AP3M1: variants seen among roughly 807,000 people sequenced by gnomAD.
The protein encoded by AP3M1 is adaptor related protein complex 3 subunit mu 1.
In AP3M1, 29 loss-of-function variants were observed where a neutral mutation model predicts 42.6. The observed-to-expected ratio is 0.68, with a 90% CI of 0.51 to 0.93. The LOEUF is 0.93. Among genes scored for constraint, AP3M1 ranks in the 40% least tolerant of loss-of-function variants. The pLI, the probability that AP3M1 is intolerant of heterozygous loss-of-function variation, is 0.00. For missense variants in AP3M1, 416 were observed against 510.2 expected (o/e 0.82, Z 1.78); for synonymous variants, 178 against 175.3 (o/e 1.02, Z -0.12).
intron 1 of AP3M1, among the ~76,000 whole-genome samples, chr10:74,149,278 T>G (rs898596933): frequency 5.1e-4 from 23 of 45,314 alleles, no homozygotes; most frequent in Admixed American, 1.2e-3. Flanking sequence ...TTTTTTTTTT[T>G]TTTTTTTTTT....
chr10:74,134,234 A>G, intron 3 of AP3M1, 70 bp from the exon 4 acceptor site: 1 of 1,503,468 alleles, frequency 6.7e-7, no homozygotes, highest in South Asian at 1.3e-5. Flanking sequence ...TTACTAGGAA[A>G]AAAAAAGCTG....
chr10:74,143,192 A>C (rs567043929), intron 1 of AP3M1, among the ~76,000 whole-genome samples: 1 of 152,258 alleles, frequency 6.6e-6, no homozygotes, highest in East Asian at 1.9e-4. Context: ...CTCTACTAAA[A>C]ATACAAAAAT....
At chr10:74,135,162 C>T (rs2131979686) in intron 3 of AP3M1, among the ~76,000 whole-genome samples, 1 of 152,282 alleles carries the variant, frequency 6.6e-6, no homozygotes, top group South Asian at 2.1e-4. Context: ...ATGATAAAAG[C>T]TAAATATTTA....
intron 1 of AP3M1, among the ~76,000 whole-genome samples, chr10:74,141,492 T>G (rs996461028): frequency 1.3e-5 from 2 of 151,354 alleles, no homozygotes; most frequent in African/African-American, 2.5e-5. Flanking sequence ...GAAAAGACAT[T>G]TACTCAAAGA....
At position 74,123,926 on chromosome 10, in the gene AP3M1, T is replaced by A; in HGVS notation, c.1157-16A>T. 1.9e-6 allele frequency: 3 copies of A among 1,595,926 alleles called. No individual in the cohort carries two copies. Among genetic ancestry groups the A allele is most frequent in the Admixed American group, 3.3e-5 (2 of 59,792 alleles). On this transcript the variant is annotated splice_polypyrimidine_tract_variant and intron_variant, in intron 8 of 8. Coordinates refer to ENST00000355264, the MANE Select transcript of AP3M1 (RefSeq NM_012095.6). ...ACTTTTAAGCCTGTATCAAAAAGAA[T>A]GAAAAAGAATAAATTATCATCATCC...
intron 5 of AP3M1, 37 bp downstream of exon 5, chr10:74,129,870 C>G (rs759539810): frequency 7.7e-7 from 1 of 1,299,302 alleles, no homozygotes; most frequent in African/African-American, 1.5e-5. Context: ...ATGTATTAGG[C>G]ATTCAAGGGG....
chr10:74,137,765 T>A (rs1245075089), intron 2 of AP3M1, among the ~76,000 whole-genome samples: 1 of 152,234 alleles, frequency 6.6e-6, no homozygotes, highest in East Asian at 1.9e-4. Context: ...TATGTAACTA[T>A]TTGTTATACT....
At chr10:74,149,633 A>G (rs919899313) in intron 1 of AP3M1, among the ~76,000 whole-genome samples, 5 of 152,106 alleles carry the variant, frequency 3.3e-5, no homozygotes, top group Admixed American at 3.3e-4. Context: ...CATTCACTTC[A>G]CTTCTCCTAT....
chr10:74,132,227 G>A (rs1371222134), intron 4 of AP3M1, among the ~76,000 whole-genome samples: 4 of 151,614 alleles, frequency 2.6e-5, no homozygotes, highest in Admixed American at 6.6e-5. Flanking sequence ...TAGTAGAGAC[G>A]GGGTTTTACC....
rs141996960 is a variant in AP3M1 at position 74,124,818 on chromosome 10, C to T, written c.1012-294G>A. Among the ~76,000 whole-genome samples, 73 of 152,190 alleles carry T rather than the reference C, an allele frequency of 4.8e-4. 1 individual carries two copies. The highest frequency in any genetic ancestry group is 9.0e-4 in the Non-Finnish European group (61 of 68,004). ...TGAAGTAGCTTTTGTCTTCTATTTACAAATGAGGAAATTAAAGCTCAGAGG... is the reference window on the plus strand; with the variant it reads ...TGAAGTAGCTTTTGTCTTCTATTTATAAATGAGGAAATTAAAGCTCAGAGG... On this transcript the variant is annotated intron_variant, in intron 7 of 8. Transcript: ENST00000355264.
Position 74,134,184 on chromosome 10 carries a change from A to G in AP3M1, c.446-20T>C, listed in dbSNP as rs746656372. The G allele has an allele frequency of 2.2e-5, 35 of 1,608,648 alleles. No homozygotes were observed. Among genetic ancestry groups the G allele is most frequent in the African/African-American group, 2.7e-5 (2 of 74,594 alleles). ...TACTGCCTAGAAACCAAAAAAGGAGAAGGCAAAGCTGATGTATAAAACAGT... is the reference window on the plus strand; with the variant it reads ...TACTGCCTAGAAACCAAAAAAGGAGGAGGCAAAGCTGATGTATAAAACAGT... On this transcript the variant is annotated intron_variant, in intron 3 of 8. Transcript: ENST00000355264.
chr10:74,126,825 G>C (rs1174319226), intron 6 of AP3M1, among the ~76,000 whole-genome samples: 2 of 151,730 alleles, frequency 1.3e-5, no homozygotes, highest in Non-Finnish European at 2.9e-5. Flanking sequence ...ACAAAAATTA[G>C]CTGGGTGTGG....
chr10:74,141,879 GTTT>G (rs58905652), intron 1 of AP3M1, among the ~76,000 whole-genome samples: 1 of 140,546 alleles, frequency 7.1e-6, no homozygotes, highest in Non-Finnish European at 1.5e-5. Context: ...CACCTGGCTA[GTTT>G]TTTTTTTTTT....
intron 1 of AP3M1, among the ~76,000 whole-genome samples, chr10:74,141,864 C>T (rs532265366): frequency 8.1e-5 from 12 of 148,282 alleles, no homozygotes; most frequent in East Asian, 3.9e-4. Flanking sequence ...AGGCACACAC[C>T]GCCACACCTG....
intron 6 of AP3M1, 114 bp from the exon 7 acceptor site, chr10:74,126,469 TC>T: frequency 1.3e-6 from 1 of 740,778 alleles, no homozygotes; most frequent in Non-Finnish European, 2.2e-6. Flanking sequence ...TGCCTTTAAC[TC>T]CACAATAAGG....
chr10:74,124,387 A>C lies in AP3M1; in HGVS notation c.1149T>G (p.Ala383=). ...AGTCAACCTTATCCTTACCTGAAAT[A>C]GCAAGCTGCTGGATCTTAAACTGTA... ...LNIQFKIQQL[A]ISGLKVNRLD... Residue 383 remains alanine (A), a synonymous_variant, in exon 8 of 9, where the codon GCT becomes GCG. Transcript: ENST00000355264. 1 of 1,606,390 alleles carries C rather than the reference A, an allele frequency of 6.2e-7. No individual in the cohort carries two copies. Among genetic ancestry groups the C allele is most frequent in the South Asian group, 1.1e-5 (1 of 88,854 alleles).
chr10:74,139,879 A>T (rs574337679), intron 1 of AP3M1, among the ~76,000 whole-genome samples: 95 of 141,376 alleles, frequency 6.7e-4, no homozygotes, highest in Admixed American at 1.9e-3. Flanking sequence ...GCACCACTGT[A>T]CTCCAGCCTG....
intron 1 of AP3M1, among the ~76,000 whole-genome samples, chr10:74,147,110 C>T (rs1841353961): frequency 6.6e-6 from 1 of 152,034 alleles, no homozygotes; most frequent in African/African-American, 2.4e-5. Context: ...TGGTGAAATC[C>T]CATCTCCACT....
intron 1 of AP3M1, among the ~76,000 whole-genome samples, chr10:74,149,969 T>C (rs1455584858): frequency 6.6e-6 from 1 of 152,274 alleles, no homozygotes; most frequent in Non-Finnish European, 1.5e-5. Context: ...CGACCTATTC[T>C]GATTTCAGCT....
Sources: allele counts gnomAD v4.1 joint callset (sites outside exome capture counted in the v4.1 genomes callset), GRCh38; gene constraint gnomAD v4.1.1; transcripts MANE v1.5; gene names NCBI Gene and HGNC (gene_info 2026-07-23, HGNC 2026-07-21).